The following COG4 variants were observed in gnomAD, a reference collection of about 807,000 sequenced individuals.
COG4 encodes conserved oligomeric Golgi complex subunit 4.
Under a neutral mutation model 95.1 loss-of-function variants are expected in COG4, and 65 were observed. The observed-to-expected ratio is 0.68, with a 90% CI of 0.56 to 0.84. The LOEUF (loss-of-function observed/expected upper bound fraction) is 0.84, where lower values mean the gene tolerates loss of function less well. Among genes scored for constraint, COG4 ranks in the 40% least tolerant of loss-of-function variants. The pLI is 0.00. For synonymous variants in COG4, 421 were observed against 374.8 expected (o/e 1.12, Z -1.42); for missense variants, 1,045 against 989.1 (o/e 1.06, Z -0.76).
At chr16:70,482,404 T>C in intron 15 of COG4, 1 of 623,494 alleles carries the variant, frequency 1.6e-6, no homozygotes, top group Non-Finnish European at 2.9e-6. Context: ...TCCTGGCATT[T>C]TATTCCTTCT....
intron 15 of COG4, 195 bp downstream of exon 15, chr16:70,482,534 T>C: frequency 1.5e-6 from 1 of 652,198 alleles, no homozygotes; most frequent in Non-Finnish European, 2.8e-6. Context: ...CAAGGCAAAC[T>C]CCATGTCTTT....
At chr16:70,487,888 G>A (rs917790491) in intron 13 of COG4, among the ~76,000 whole-genome samples, 4 of 151,750 alleles carry the variant, frequency 2.6e-5, no homozygotes, top group Non-Finnish European at 2.9e-5. Context: ...GCAGGTGCAC[G>A]ATCTCGGCTT....
chr16:70,509,390 T>C lies in COG4; in HGVS notation c.845-2A>G. 6.2e-7 allele frequency: 1 copy of C among 1,614,170 alleles called. No homozygotes were observed. The highest frequency in any genetic ancestry group is 8.5e-7 in the Non-Finnish European group (1 of 1,180,018). On this transcript the variant is annotated splice_acceptor_variant, in intron 6 of 18. Coordinates refer to ENST00000323786, the MANE Select transcript of COG4 (RefSeq NM_015386.3). LOFTEE classifies it high-confidence loss of function. ...GGGTCTCCACAATGCGGGCAATCCC[T>C]AGAAGGGAGGAAGCAATAGGGTTAT... is the stretch of plus-strand genomic sequence containing the variant.
intron 3 of COG4, among the ~76,000 whole-genome samples, chr16:70,516,717 A>C (rs929330232): frequency 1.3e-5 from 2 of 151,444 alleles, no homozygotes; most frequent in Non-Finnish European, 2.9e-5. Context: ...TCTAATCTCT[A>C]ATGTGGTAGC....
chr16:70,495,810 C>G (rs951074862), intron 12 of COG4, among the ~76,000 whole-genome samples: 14 of 152,190 alleles, frequency 9.2e-5, no homozygotes, highest in Non-Finnish European at 1.6e-4. Context: ...TTAATAAAGC[C>G]TCCTTTCCAG....
At chr16:70,483,781 G>A in intron 14 of COG4, 72 bp downstream of exon 14, 2 of 1,202,394 alleles carry the variant, frequency 1.7e-6, no homozygotes, top group South Asian at 1.2e-5. Flanking sequence ...TGCACACGAT[G>A]AGCCAGCTAA....
intron 1 of COG4, among the ~76,000 whole-genome samples, chr16:70,521,916 T>C (rs551680044): frequency 6.6e-6 from 1 of 150,996 alleles, no homozygotes; most frequent in Non-Finnish European, 1.5e-5. Context: ...TTAGCCAGGA[T>C]GGTCTCGATT....
At chr16:70,500,411 C>T (rs1442407273) in intron 9 of COG4, among the ~76,000 whole-genome samples, 1 of 142,314 alleles carries the variant, frequency 7.0e-6, no homozygotes, top group African/African-American at 2.8e-5. Context: ...CTCTGTCACC[C>T]AGGCTGGAGT....
intron 8 of COG4, among the ~76,000 whole-genome samples, chr16:70,503,409 T>C (rs1341834453): frequency 6.6e-6 from 1 of 152,246 alleles, no homozygotes; most frequent in East Asian, 1.9e-4. Flanking sequence ...TCCATACCTC[T>C]CAGAATACAA....
rs754149808 is a variant in COG4 at position 70,497,928 on chromosome 16, A to G, written c.1314+9T>C. 2.7e-6 allele frequency: 4 copies of G among 1,491,338 alleles called. No homozygotes were observed. The highest frequency in any genetic ancestry group is 3.7e-6 in the Non-Finnish European group (4 of 1,068,246). The allele number at this position is 1,491,338 out of a possible 1,614,324, so 92.4% of individuals were successfully genotyped here. A position where few individuals can be genotyped will look rare whatever the true frequency, so the allele number is the denominator to read the frequency against. On this transcript the variant is annotated intron_variant, in intron 10 of 18. Transcript: ENST00000323786. ...GCCCCATTTCCAAGAGATGCGTCCT[A>G]TGTCCTACCTTATTGACAGTCTCCC...
At chr16:70,508,577 C>A (rs540739744) in intron 7 of COG4, 113 bp from the exon 8 acceptor site, 1 of 924,576 alleles carries the variant, frequency 1.1e-6, no homozygotes, top group South Asian at 1.3e-5. Context: ...AGTTTGTTTA[C>A]CAGGTTTACC....
chr16:70,496,412 G>A lies in COG4; in HGVS notation c.1501C>T (p.Leu501=), dbSNP rs1327397059. ...SDFRDVLCNK[L]RMGFPATTFQ... ...GTGGTGGCAGGAAAGCCCATCCGCA[G>A]CTTATTACACAGAACATCCCTGGGG... Residue 501 remains leucine, a synonymous_variant, in exon 12 of 19, where the codon CTG becomes TTG. Coordinates refer to ENST00000323786, the MANE Select transcript of COG4 (RefSeq NM_015386.3). The A allele has an allele frequency of 1.9e-6, 3 of 1,614,054 alleles. No homozygotes were observed. The highest frequency in any genetic ancestry group is 1.3e-5 in the African/African-American group (1 of 74,910).
chr16:70,496,405 A>G lies in COG4; in HGVS notation c.1508T>C (p.Met503Thr), dbSNP rs1567729107. ...FRDVLCNKLRMGFPATTFQDI... is the reference protein window; with the variant it reads ...FRDVLCNKLRTGFPATTFQDI... Reference sequence around the variant, plus strand: ...CTGGAAGGTGGTGGCAGGAAAGCCCATCCGCAGCTTATTACACAGAACATC... The same window carrying G: ...CTGGAAGGTGGTGGCAGGAAAGCCCGTCCGCAGCTTATTACACAGAACATC... Residue 503 changes from methionine to threonine, a missense_variant, in exon 12 of 19, where the codon ATG becomes ACG. Coordinates refer to ENST00000323786, the MANE Select transcript of COG4 (RefSeq NM_015386.3). 6.2e-7 allele frequency: 1 copy of G among 1,614,184 alleles called. No individual in the cohort carries two copies. The highest frequency in any genetic ancestry group is 8.5e-7 in the Non-Finnish European group (1 of 1,180,034).
In COG4 at chr16:70,480,645, C is replaced by G. The variant is rs1198308327; in HGVS notation, c.*365G>C. 3.2e-6 allele frequency: 1 copy of G among 314,930 alleles called. No individual in the cohort carries two copies. The highest frequency in any genetic ancestry group is 6.1e-6 in the Non-Finnish European group (1 of 164,628). The allele number at this position is 314,930 out of a possible 1,614,324, so 19.5% of individuals were successfully genotyped here. ...TCAAAGTCAAGCCTAACTGCTAGGT[C>G]CCCAGATGTACCCAAGTTGTCTAGG... On this transcript the variant is annotated 3_prime_UTR_variant, in exon 19 of 19. Transcript: ENST00000323786.
In COG4 at chr16:70,512,352, T is replaced by C. The variant is rs768080488; in HGVS notation, c.625A>G (p.Ile209Val). 3.1e-6 allele frequency: 5 copies of C among 1,614,178 alleles called. No individual in the cohort carries two copies. Among genetic ancestry groups the C allele is most frequent in the African/African-American group, 1.3e-5 (1 of 75,064 alleles). ...LKAIVAEKFA[I>V]ATKEGDLPQV... ...GGCAGATCACCTTCCTTGGTGGCAA[T>C]GGCAAACTTCTCTGCCACAATGGCT... The change falls in exon 5 of 19, where the codon ATT becomes GTT. Residue 209 changes from isoleucine to valine, a missense_variant. By Grantham distance (29) the Ile-to-Val change is conservative. Transcript: ENST00000323786.
intron 6 of COG4, among the ~76,000 whole-genome samples, chr16:70,509,660 G>A (rs1292161103): frequency 1.3e-5 from 2 of 152,182 alleles, no homozygotes; most frequent in East Asian, 1.9e-4. Context: ...TCGCTTTCCA[G>A]TAATTTATTT....
At chr16:70,481,973 C>T (rs1043473451) in intron 16 of COG4, 108 bp from the exon 17 acceptor site, 2 of 1,340,204 alleles carry the variant, frequency 1.5e-6, no homozygotes, top group Admixed American at 1.8e-5. Flanking sequence ...GGAGTTTCTA[C>T]AGGTGAGGGT....
chr16:70,494,457 TG>T, intron 12 of COG4, among the ~76,000 whole-genome samples: 2 of 152,342 alleles, frequency 1.3e-5, no homozygotes, highest in East Asian at 3.9e-4. Flanking sequence ...TTTAAATACT[TG>T]GTGTCAGGAA....
chr16:70,482,637 G>C, intron 15 of COG4, 92 bp downstream of exon 15: 1 of 1,004,402 alleles, frequency 1.0e-6, no homozygotes, highest in South Asian at 1.3e-5. Context: ...AAGCATGGAA[G>C]GTCTAGTCTG....
Sources: allele counts gnomAD v4.1 joint callset (sites outside exome capture counted in the v4.1 genomes callset), GRCh38; gene constraint gnomAD v4.1.1; transcripts MANE v1.5; gene names NCBI Gene and HGNC (gene_info 2026-07-23, HGNC 2026-07-21).